TRIM36: variants seen among roughly 807,000 people sequenced by gnomAD.
TRIM36 encodes the protein tripartite motif containing 36, also known as E3 ubiquitin-protein ligase TRIM36.
A neutral mutation model predicts 72.4 loss-of-function variants in TRIM36; 42 were observed. That is an observed-to-expected ratio of 0.58 (90% CI 0.45 to 0.75). TRIM36 has a LOEUF of 0.75. TRIM36 is among the 30% of genes least tolerant of loss of function. The pLI is 0.00. For synonymous variants in TRIM36, 315 were observed against 282.8 expected (o/e 1.11, Z -1.14); for missense variants, 913 against 857.1 (o/e 1.07, Z -0.81).
chr5:115,145,330 T>G (rs1753526600), intron 3 of TRIM36, among the ~76,000 whole-genome samples: 1 of 152,220 alleles, frequency 6.6e-6, no homozygotes. Context: ...TTATTTACTT[T>G]GTAAACTATT....
Position 115,178,501 on chromosome 5 carries a change from C to T in TRIM36, c.63+1474G>A, listed in dbSNP as rs546715015. Among the ~76,000 whole-genome samples the T allele has an allele frequency of 2.0e-4, 30 of 152,258 alleles. No homozygotes were observed. In the South Asian group the frequency reaches 5.8e-3, roughly 29 times the overall value. On this transcript the variant is annotated intron_variant, in intron 1 of 9. Coordinates refer to the TRIM36 transcript ENST00000282369. The stretch of plus-strand genomic sequence containing the variant: ...GAGCCAGCCCTTTCTCTTATCAGGA[C>T]TTCTCTTCCCAGGGTCCATTCTTCA...
At chr5:115,139,335 C>G (rs1397885523) in intron 5 of TRIM36, among the ~76,000 whole-genome samples, 1 of 150,574 alleles carries the variant, frequency 6.6e-6, no homozygotes, top group Admixed American at 6.6e-5. Flanking sequence ...GTTGGCCAGG[C>G]TGGTCTCGAA....
intron 2 of TRIM36, among the ~76,000 whole-genome samples, chr5:115,154,128 T>C (rs1201516946): frequency 1.3e-5 from 2 of 152,030 alleles, no homozygotes; most frequent in Non-Finnish European, 2.9e-5. Flanking sequence ...TAAAAATTCT[T>C]CAAGCTGCAT....
chr5:115,149,385 T>C (rs953396255), intron 2 of TRIM36: 3 of 151,608 alleles, frequency 2.0e-5, no homozygotes, highest in African/African-American at 7.3e-5. Context: ...ACACATGAAA[T>C]AGGTGATGAA....
At chr5:115,165,181 C>A (rs557425239) in intron 1 of TRIM36, among the ~76,000 whole-genome samples, 32 of 152,146 alleles carry the variant, frequency 2.1e-4, no homozygotes, top group Non-Finnish European at 3.2e-4. Flanking sequence ...GTTTCCCAGG[C>A]GCATGATGAA....
At chr5:115,146,559 T>C (rs942695629) in intron 3 of TRIM36, among the ~76,000 whole-genome samples, 50 of 152,214 alleles carry the variant, frequency 3.3e-4, no homozygotes, top group Non-Finnish European at 4.4e-5. Context: ...TTACTCAGAA[T>C]GTTTAAGAAA....
intron 1 of TRIM36, among the ~76,000 whole-genome samples, chr5:115,165,365 T>C (rs972294297): frequency 6.6e-6 from 1 of 152,238 alleles, no homozygotes; most frequent in Non-Finnish European, 1.5e-5. Flanking sequence ...AGCAGACTTC[T>C]GCCTGGATAT....
chr5:115,165,791 G>T (rs139783281), intron 1 of TRIM36, among the ~76,000 whole-genome samples: 44 of 152,236 alleles, frequency 2.9e-4, no homozygotes, highest in Middle Eastern at 3.4e-3. Context: ...TGCTCTCGGG[G>T]GCCCAGGATG....
intron 2 of TRIM36, chr5:115,149,705 A>G (rs1753784836): frequency 6.7e-6 from 1 of 148,764 alleles, no homozygotes; most frequent in Admixed American, 6.7e-5. Flanking sequence ...TAAGACATGT[A>G]ATTTTTCACA....
At chr5:115,179,880 C>A (rs1755535029) in intron 1 of TRIM36, 3 of 1,254,424 alleles carry the variant, frequency 2.4e-6, no homozygotes, top group Non-Finnish European at 3.4e-6. Context: ...CCGCCCTTCC[C>A]AGGCGCTGGA....
At chr5:115,136,973 G>A (rs1752995228) in intron 7 of TRIM36, 27 bp downstream of exon 7, 2 of 1,538,400 alleles carry the variant, frequency 1.3e-6, no homozygotes, top group Non-Finnish European at 1.7e-6. Flanking sequence ...CAAAAAGAAT[G>A]AGGTTTTTGC....
chr5:115,162,723 C>A (rs549370550), intron 2 of TRIM36, among the ~76,000 whole-genome samples: 1 of 151,988 alleles, frequency 6.6e-6, no homozygotes, highest in East Asian at 1.9e-4. Flanking sequence ...CAAGTTTTAT[C>A]TAGTAGGACT....
chr5:115,133,709 G>T, intron 8 of TRIM36, 151 bp downstream of exon 8: 1 of 702,138 alleles, frequency 1.4e-6, no homozygotes, highest in Non-Finnish European at 2.1e-6. Context: ...CATTTCTAAA[G>T]CCCAGCTGGG....
At chr5:115,137,659 G>T (rs776889202) in intron 5 of TRIM36, 43 bp from the exon 6 acceptor site, 4 of 1,510,402 alleles carry the variant, frequency 2.6e-6, no homozygotes, top group Non-Finnish European at 2.6e-6. Flanking sequence ...ATAAAACAAA[G>T]AATAGCCTCT....
upstream of TRIM36, among the ~76,000 whole-genome samples, chr5:115,172,216 C>T (rs1345709387): frequency 6.6e-6 from 1 of 152,062 alleles, no homozygotes; most frequent in Non-Finnish European, 1.5e-5. Context: ...TACAGCTTAT[C>T]TCAAGGGACA....
In TRIM36 at chr5:115,149,569, G is replaced by GAAAAAAA. The variant is rs748596152; in HGVS notation, c.263-2182_263-2176dup. The GAAAAAAA allele has an allele frequency of 8.3e-4, 16 of 19,276 alleles. 3 individuals are homozygous for GAAAAAAA. The highest frequency in any genetic ancestry group is 3.0e-3 in the African/African-American group (14 of 4,666). 1.2% of individuals were successfully genotyped at this position (19,276 alleles called of 1,614,324 possible). The stretch of plus-strand genomic sequence containing the variant: ...CCCAGAATTGGGTCCTCAGAAATTT[G>GAAAAAAA]AAAAAAAAAAAAAAAAAAAAAAAAA... On this transcript the variant is annotated intron_variant, in intron 2 of 9. Coordinates refer to ENST00000513154, the MANE Select transcript of TRIM36 (RefSeq NM_001300759.2).
chr5:115,148,509 T>G (rs996477211), intron 2 of TRIM36, among the ~76,000 whole-genome samples: 9 of 149,610 alleles, frequency 6.0e-5, no homozygotes, highest in Non-Finnish European at 1.2e-4. Flanking sequence ...CCTCCCAGGT[T>G]CAAGCAATTC....
upstream of TRIM36, among the ~76,000 whole-genome samples, chr5:115,170,942 G>C (rs1365536609): frequency 1.3e-5 from 2 of 152,262 alleles, no homozygotes; most frequent in African/African-American, 4.8e-5. Context: ...TTCTGGTGTT[G>C]TTTTCAGGAC....
At chr5:115,176,129 AAAAAATAAAAAT>A (rs963496015) in intron 1 of TRIM36, among the ~76,000 whole-genome samples, 14 of 152,212 alleles carry the variant, frequency 9.2e-5, no homozygotes, top group Admixed American at 8.5e-4. Context: ...GTGTCTCAAA[AAAAAATAAAAAT>A]AAAAATAAAA....
Sources: gnomAD v4.1 joint callset for allele counts (sites outside exome capture counted in the v4.1 genomes callset) on GRCh38, gnomAD v4.1.1 for gene constraint, MANE v1.5 for transcripts, NCBI Gene and HGNC (gene_info 2026-07-23, HGNC 2026-07-21) for gene names.